GNG12: variants seen among roughly 807,000 people sequenced by gnomAD.
GNG12 encodes guanine nucleotide-binding protein G(I)/G(S)/G(O) subunit gamma-12.
For synonymous variants in GNG12, 28 were observed against 29.7 expected, an observed-to-expected ratio of 0.94 and a Z score of 0.19; for missense variants, 69 against 83.8, an observed-to-expected ratio of 0.82 and a Z score of 0.69.
rs1319247378 is a variant in GNG12, at chr1:67,756,153, T to C, written c.-27+21305A>G. ...CAAAAGAGTGCAGTAAATGTTATAA[T>C]AGGTAAGGTAGAGGGTGCAATAGAG... On this transcript the variant is annotated intron_variant, in intron 2 of 3. Transcript: ENST00000370982. Among the ~76,000 whole-genome samples, 4 of 151,994 alleles carry C rather than the reference T, an allele frequency of 2.6e-5. No individual in the cohort carries two copies. The East Asian group carries it at 7.7e-4, about 29-fold the overall frequency.
At chr1:67,824,076 A>C (rs984639386) in intron 1 of GNG12, among the ~76,000 whole-genome samples, 4 of 152,204 alleles carry the variant, frequency 2.6e-5, no homozygotes, top group Admixed American at 6.5e-5. Context: ...AGGGGGGAGA[A>C]TTAAAATACC....
rs184483958 is a variant in GNG12, at chr1:67,741,160, G to A, written c.-26-33448C>T. On this transcript the variant is annotated intron_variant, in intron 2 of 3. Transcript: ENST00000370982. ...ATACAGACTGGGGACACGTGACAGA[G>A]AAATGCTTCTTAAGTTAAAGATTAG... 2.8e-3 allele frequency among the ~76,000 whole-genome samples: 431 copies of A among 152,340 alleles called. 4 individuals are homozygous for A. Among genetic ancestry groups the A allele is most frequent in the African/African-American group, 9.8e-3 (406 of 41,568 alleles).
intron 1 of GNG12, among the ~76,000 whole-genome samples, chr1:67,799,236 T>C (rs1168332409): frequency 6.6e-6 from 1 of 152,180 alleles, no homozygotes; most frequent in African/African-American, 2.4e-5. Flanking sequence ...TCAACTATAG[T>C]TAGGAACATG....
At position 67,804,543 on chromosome 1, in the gene GNG12, AGTT is replaced by A. The variant is rs1272178137; in HGVS notation, c.-76-27039_-76-27037del. On this transcript the variant is annotated intron_variant, in intron 1 of 3. Transcript: ENST00000370982. ...AGCCAGTTGGGCAAGCAAGGAGTTT[AGTT>A]GTTGTCACTCGCTCCTAACAACTAA... 2.0e-5 allele frequency among the ~76,000 whole-genome samples: 3 copies of A among 152,206 alleles called. No individual in the cohort carries two copies. The East Asian group carries it at 5.8e-4, about 29-fold the overall frequency.
At chr1:67,781,099 A>C (rs1161094712) in intron 1 of GNG12, among the ~76,000 whole-genome samples, 1 of 152,244 alleles carries the variant, frequency 6.6e-6, no homozygotes, top group African/African-American at 2.4e-5. Flanking sequence ...GAACATATAC[A>C]GATCTCTAGG....
At chr1:67,733,808 A>T (rs946007153) in intron 2 of GNG12, among the ~76,000 whole-genome samples, 1 of 152,204 alleles carries the variant, frequency 6.6e-6, no homozygotes, top group Non-Finnish European at 1.5e-5. Flanking sequence ...TGCCTGTTGC[A>T]GGACTTTCCA....
chr1:67,781,094 T>C lies in GNG12; in HGVS notation c.-76-3587A>G, dbSNP rs748769516. 4.0e-4 allele frequency among the ~76,000 whole-genome samples: 61 copies of C among 152,216 alleles called. 1 individual carries two copies. The highest frequency in any genetic ancestry group is 1.6e-4 in the Non-Finnish European group (11 of 68,036). ...GCAAAAAGTTTTAAGATCTAGAACA[T>C]ATACAGATCTCTAGGAAGAGAAGGA... On this transcript the variant is annotated intron_variant, in intron 1 of 3. Coordinates refer to ENST00000370982, the MANE Select transcript of GNG12 (RefSeq NM_018841.6).
At chr1:67,808,568 A>G (rs1293297097) in intron 1 of GNG12, among the ~76,000 whole-genome samples, 1 of 152,168 alleles carries the variant, frequency 6.6e-6, no homozygotes, top group African/African-American at 2.4e-5. Flanking sequence ...ACTGACAAAA[A>G]GATTCCTGGA....
At chr1:67,764,618 G>A (rs1646625225) in intron 2 of GNG12, among the ~76,000 whole-genome samples, 3 of 152,128 alleles carry the variant, frequency 2.0e-5, no homozygotes, top group African/African-American at 7.2e-5. Context: ...CTAGATTAAT[G>A]GCCACTTTCA....
chr1:67,787,382 G>A (rs768473543), intron 1 of GNG12, among the ~76,000 whole-genome samples: 20 of 152,098 alleles, frequency 1.3e-4, no homozygotes, highest in Non-Finnish European at 1.9e-4. Flanking sequence ...GTGCACTGGG[G>A]CAAAGAGTTC....
At chr1:67,826,926 G>A (rs976864643) in intron 1 of GNG12, among the ~76,000 whole-genome samples, 3 of 152,206 alleles carry the variant, frequency 2.0e-5, no homozygotes, top group Non-Finnish European at 4.4e-5. Flanking sequence ...TAAGGGTTTA[G>A]TGTCCAGTGG....
chr1:67,796,350 C>T (rs1164594205), intron 1 of GNG12, among the ~76,000 whole-genome samples: 1 of 152,120 alleles, frequency 6.6e-6, no homozygotes, highest in Non-Finnish European at 1.5e-5. Flanking sequence ...GACTGGCACA[C>T]TCAGGATGCT....
At chr1:67,790,398 A>C (rs1646794783) in intron 1 of GNG12, among the ~76,000 whole-genome samples, 2 of 152,190 alleles carry the variant, frequency 1.3e-5, no homozygotes, top group Admixed American at 1.3e-4. Flanking sequence ...TAGCCAAAAA[A>C]ACCCAGAGCC....
At chr1:67,726,905 C>G (rs988592186) in intron 2 of GNG12, among the ~76,000 whole-genome samples, 1 of 152,078 alleles carries the variant, frequency 6.6e-6, no homozygotes, top group Non-Finnish European at 1.5e-5. Context: ...TACCCACTAC[C>G]TTTGGTTTCA....
intron 1 of GNG12, among the ~76,000 whole-genome samples, chr1:67,832,904 C>G (rs1647057065): frequency 6.6e-6 from 1 of 152,226 alleles, no homozygotes; most frequent in South Asian, 2.1e-4. Context: ...CCACAAGCCA[C>G]GGCTGGGAAC....
At chr1:67,731,864 G>A (rs1487399244) in intron 2 of GNG12, among the ~76,000 whole-genome samples, 1 of 152,120 alleles carries the variant, frequency 6.6e-6, no homozygotes, top group Non-Finnish European at 1.5e-5. Context: ...CGGTTATTTT[G>A]TATGCTTATT....
chr1:67,768,210 C>A (rs1385211015), intron 2 of GNG12, among the ~76,000 whole-genome samples: 2 of 152,180 alleles, frequency 1.3e-5, no homozygotes, highest in Non-Finnish European at 2.9e-5. Flanking sequence ...TAACCCTATG[C>A]AGTATTATCC....
intron 2 of GNG12, among the ~76,000 whole-genome samples, chr1:67,731,578 C>T (rs1557599076): frequency 6.6e-6 from 1 of 152,152 alleles, no homozygotes; most frequent in Non-Finnish European, 1.5e-5. Context: ...TGAGCATGTG[C>T]AGGAAAGGGC....
At chr1:67,749,818 C>A (rs995042857) in intron 2 of GNG12, among the ~76,000 whole-genome samples, 1 of 152,208 alleles carries the variant, frequency 6.6e-6, no homozygotes, top group Non-Finnish European at 1.5e-5. Flanking sequence ...TCCCTTCTCC[C>A]TTTTGGAGAC....
Sources: allele counts gnomAD v4.1 joint callset (sites outside exome capture counted in the v4.1 genomes callset), GRCh38; gene constraint gnomAD v4.1.1; transcripts MANE v1.5; gene names NCBI Gene and HGNC (gene_info 2026-07-23, HGNC 2026-07-21).